THNSL2: variants seen among roughly 807,000 people sequenced by gnomAD.
THNSL2 encodes the protein threonine synthase like 2.
A neutral mutation model predicts 40.0 loss-of-function variants in THNSL2; 34 were observed. The ratio of observed to expected loss-of-function variants is 0.85; its 90% CI spans 0.65 to 1.13. THNSL2 has a LOEUF of 1.13. Among genes scored for constraint, THNSL2 ranks in the 50% most tolerant of loss-of-function variants. The probability of loss-of-function intolerance (pLI) is 0.00; values close to 1 mark genes in which losing one functional copy is unlikely to be tolerated. For synonymous variants in THNSL2, 241 were observed against 247.5 expected (o/e 0.97, Z 0.25); for missense variants, 537 against 608.8 (o/e 0.88, Z 1.24).
rs1459289745 is a variant in THNSL2 at position 88,170,355 on chromosome 2, G to A, written c.-114G>A. ...CCGGAAGCCCCACCGCACCGTCAGG[G>A]ACGCGGACTCGGGAGTGCGCACATT... On this transcript the variant is annotated 5_prime_UTR_variant, in exon 1 of 9. Coordinates refer to ENST00000674334, the MANE Select transcript of THNSL2 (RefSeq NM_018271.5). 1.3e-5 allele frequency: 2 copies of A among 151,022 alleles called. No individual in the cohort carries two copies. The highest frequency in any genetic ancestry group is 1.9e-4 in the South Asian group (1 of 5,234). The allele number at this position is 151,022 out of a possible 1,614,324, so 9.4% of individuals were successfully genotyped here. A position where few individuals can be genotyped will look rare whatever the true frequency, so the allele number is the denominator to read the frequency against.
At position 88,186,448 on chromosome 2, in the gene THNSL2, G is replaced by GA. The variant is rs1678298552; in HGVS notation, c.*326dup. 2 of 271,550 alleles carry GA rather than the reference G, an allele frequency of 7.4e-6. No homozygotes were observed. Among genetic ancestry groups the GA allele is most frequent in the Non-Finnish European group, 6.9e-6 (1 of 144,308 alleles). 16.8% of individuals were successfully genotyped at this position (271,550 alleles called of 1,614,324 possible). A position where few individuals can be genotyped will look rare whatever the true frequency, so the allele number is the denominator to read the frequency against. On this transcript the variant is annotated 3_prime_UTR_variant, in exon 9 of 9. Transcript: ENST00000674334. The stretch of plus-strand genomic sequence containing the variant: ...ACTGACCATGGCTCCAGGGGTTTAG[G>GA]ACCCCAGACCTGTGAAGGTGGGAGC...
rs200804670 is a variant in THNSL2, at chr2:88,185,424, C to A, written c.1174C>A (p.His392Asn). The A allele has an allele frequency of 4.3e-6, 7 of 1,614,060 alleles. No individual in the cohort carries two copies. In the South Asian group the frequency reaches 4.4e-5, roughly 10 times the overall value. ...WDENQYLLCP[H>N]SAVAVNYHYQ... ...TGAGAACCAGTACTTGCTGTGCCCC[C>A]ACTCAGCGGTGGCCGTGAACTACCA... Residue 392 changes from histidine to asparagine, a missense_variant, in exon 8 of 9, where the codon CAC becomes AAC. By Grantham distance (68) the His-to-Asn change is moderately conservative. Coordinates refer to ENST00000674334, the MANE Select transcript of THNSL2 (RefSeq NM_018271.5).
At position 88,178,876 on chromosome 2, in the gene THNSL2, C is replaced by T. The variant is rs964320373; in HGVS notation, c.665C>T (p.Ser222Leu). 1.9e-6 allele frequency: 3 copies of T among 1,614,208 alleles called. No individual in the cohort carries two copies. Among genetic ancestry groups the T allele is most frequent in the East Asian group, 2.2e-5 (1 of 44,872 alleles). ...AAGCACAATCTGATGAGCCTGAATT[C>T]GATCAACTGGTCCCGGGTCCTGGTG... ...VKKHNLMSLNSINWSRVLVQM... is the reference protein window; with the variant it reads ...VKKHNLMSLNLINWSRVLVQM... Residue 222 changes from serine (S) to leucine (L), a missense_variant, in exon 5 of 9, where the codon TCG becomes TTG. By Grantham distance (145) the Ser-to-Leu change is moderately radical. Coordinates refer to ENST00000674334, the MANE Select transcript of THNSL2 (RefSeq NM_018271.5).
Position 88,182,787 on chromosome 2 carries a change from G to T in THNSL2, c.891G>T (p.Gln297His). ...ACATCATCCACAGGACTGTCCAGCA[G>T]GGAGACTTCTCTCTCTCTGAGGCTG... is the stretch of plus-strand genomic sequence containing the variant. ...RNDIIHRTVQ[Q>H]GDFSLSEAVK... is the part of the protein sequence containing the mutation. Residue 297 changes from glutamine to histidine, a missense_variant, in exon 6 of 9, where the codon CAG (glutamine) becomes CAT (histidine). Coordinates refer to ENST00000674334, the MANE Select transcript of THNSL2 (RefSeq NM_018271.5). The T allele has an allele frequency of 6.2e-7, 1 of 1,614,182 alleles. No individual in the cohort carries two copies. The highest frequency in any genetic ancestry group is 8.5e-7 in the Non-Finnish European group (1 of 1,180,032).
chr2:88,180,073 G>A (rs1229983142), intron 5 of THNSL2, among the ~76,000 whole-genome samples: 2 of 152,214 alleles, frequency 1.3e-5, no homozygotes, highest in Admixed American at 1.3e-4. Context: ...CCACTCATGG[G>A]ATAAAGCCTA....
rs1269959073 is a variant in THNSL2 at position 88,186,249 on chromosome 2, G to T, written c.*126G>T. 1 of 963,032 alleles carries T rather than the reference G, an allele frequency of 1.0e-6. No homozygotes were observed. Among genetic ancestry groups the T allele is most frequent in the Non-Finnish European group, 1.6e-6 (1 of 636,554 alleles). The allele number at this position is 963,032 out of a possible 1,614,324, so 59.7% of individuals were successfully genotyped here. Reference sequence around the variant, plus strand: ...CCGGGAGGCTGCTCAGCTGGATCTGGAGCCAGCTGGCTTTGCTCCGTTCCC... The same window carrying T: ...CCGGGAGGCTGCTCAGCTGGATCTGTAGCCAGCTGGCTTTGCTCCGTTCCC... On this transcript the variant is annotated 3_prime_UTR_variant, in exon 9 of 9. Coordinates refer to ENST00000674334, the MANE Select transcript of THNSL2 (RefSeq NM_018271.5).
At chr2:88,178,343 C>A (rs1390643045) in intron 4 of THNSL2, among the ~76,000 whole-genome samples, 1 of 152,118 alleles carries the variant, frequency 6.6e-6, no homozygotes, top group African/African-American at 2.4e-5. Flanking sequence ...CCACCCTGGC[C>A]CCTGATAGAG....
intron 5 of THNSL2, among the ~76,000 whole-genome samples, chr2:88,179,739 C>T (rs928979419): frequency 4.6e-5 from 7 of 152,240 alleles, no homozygotes. Flanking sequence ...ATGCTTTTCA[C>T]ATATGAACTC....
At position 88,178,537 on chromosome 2, in the gene THNSL2, C is replaced by T. The variant is rs563574006; in HGVS notation, c.572-246C>T. Among the ~76,000 whole-genome samples the T allele has an allele frequency of 2.0e-4, 30 of 152,318 alleles. No homozygotes were observed. In the South Asian group the frequency reaches 2.1e-3, roughly 11 times the overall value. ...AACATTGGAACTGGTTCTGGCTACC[C>T]TTTCTGTTCTAAGCTAGGGCAGATA... On this transcript the variant is annotated intron_variant, in intron 4 of 8. Transcript: ENST00000674334.
At chr2:88,179,691 T>C (rs970237246) in intron 5 of THNSL2, among the ~76,000 whole-genome samples, 16 of 152,236 alleles carry the variant, frequency 1.1e-4, no homozygotes, top group African/African-American at 3.9e-4. Context: ...ATCATTAATA[T>C]TTATCAAGCA....
rs1676800842 is a variant in THNSL2 at position 88,175,280 on chromosome 2, T to A, written c.450T>A (p.Ile150=). 1 of 1,614,126 alleles carries A rather than the reference T, an allele frequency of 6.2e-7. No individual in the cohort carries two copies. The change falls in exon 4 of 9, where the codon ATT becomes ATA. Residue 150 remains isoleucine (I), a synonymous_variant. Transcript: ENST00000674334. ...GTSGDTGSAA[I]ESVQGAKNMD... is the part of the protein sequence containing the mutation. ...CTGGGGACACAGGAAGTGCTGCCAT[T>A]GAGAGTGTTCAAGGGGCAAAGAACA...
At chr2:88,177,800 C>G (rs966645573) in intron 4 of THNSL2, among the ~76,000 whole-genome samples, 5 of 152,144 alleles carry the variant, frequency 3.3e-5, no homozygotes, top group African/African-American at 4.8e-5. Flanking sequence ...GTTCACTGAT[C>G]GGAATTTATT....
rs778619539 is a variant in THNSL2, at chr2:88,173,365, A to C, written c.215A>C (p.Glu72Ala). 1 of 1,601,628 alleles carries C rather than the reference A, an allele frequency of 6.2e-7. No individual in the cohort carries two copies. The highest frequency in any genetic ancestry group is 1.7e-5 in the Admixed American group (1 of 59,768). Residue 72 changes from glutamate (E) to alanine (A), a missense_variant, in exon 2 of 9, where the codon GAA (glutamate) becomes GCA (alanine). Glu to Ala is a moderately radical substitution (Grantham distance 107, BLOSUM62 -1). Transcript: ENST00000674334. The part of the protein sequence containing the change: ...FIGSELLPKD[E>A]LNDLIDRAFS... ...GGCTCTGAGCTCCTTCCAAAAGATG[A>C]ATTAAATGGTGAGTGCTCCCACCTG...
intron 1 of THNSL2, chr2:88,171,239 G>A: frequency 2.2e-6 from 1 of 455,814 alleles, no homozygotes; most frequent in Non-Finnish European, 4.4e-6. Flanking sequence ...TTGCTGAATT[G>A]GCCTGGGAAT....
chr2:88,176,786 G>C (rs1676984412), intron 4 of THNSL2: 2 of 152,194 alleles, frequency 1.3e-5, no homozygotes, highest in Admixed American at 6.5e-5. Context: ...AGCTAATGCA[G>C]GTGTTGGTGT....
At chr2:88,181,111 CCTCTCTCTCTCCT>C (rs1558894977) in intron 5 of THNSL2, among the ~76,000 whole-genome samples, 3 of 20,426 alleles carry the variant, frequency 1.5e-4, no homozygotes, top group Non-Finnish European at 2.7e-4. Flanking sequence ...TCCTCTCTCT[CCTCTCTCTCTCCT>C]CTCTCTCCTC....
chr2:88,171,501 C>G (rs1401553074), intron 1 of THNSL2: 10 of 350,050 alleles, frequency 2.9e-5, no homozygotes, highest in Non-Finnish European at 2.3e-5. Context: ...CGCTCCTGCC[C>G]TCACTCCTGC....
At chr2:88,174,363 A>G (rs1160598684) in intron 2 of THNSL2, among the ~76,000 whole-genome samples, 1 of 142,922 alleles carries the variant, frequency 7.0e-6, no homozygotes, top group African/African-American at 2.7e-5. Flanking sequence ...GAGACAGTCA[A>G]ACAATGAAGA....
intron 1 of THNSL2, chr2:88,171,343 G>T (rs760955229): frequency 6.6e-6 from 3 of 456,612 alleles, no homozygotes; most frequent in South Asian, 4.6e-5. Context: ...TCCATGACCT[G>T]CTCAGAGCCC....
Sources: gnomAD v4.1 joint callset for allele counts (sites outside exome capture counted in the v4.1 genomes callset) on GRCh38, gnomAD v4.1.1 for gene constraint, MANE v1.5 for transcripts, NCBI Gene and HGNC (gene_info 2026-07-23, HGNC 2026-07-21) for gene names.